Variants in PRDM16 observed in about 807,000 individuals in gnomAD.
PRDM16 encodes the protein PR/SET domain 16, also known as histone-lysine N-methyltransferase PRDM16.
Under a neutral mutation model 110.6 loss-of-function variants are expected in PRDM16, and 23 were observed. The observed-to-expected ratio is 0.21, with a 90% CI of 0.15 to 0.29. The LOEUF (loss-of-function observed/expected upper bound fraction) is 0.29, where lower values mean the gene tolerates loss of function less well. PRDM16 is among the 10% of genes least tolerant of loss of function. The pLI is 1.00. For missense variants in PRDM16, 1,615 were observed against 1,794.3 expected (o/e 0.90, Z 1.81); for synonymous variants, 799 against 781.8 (o/e 1.02, Z -0.37).
intron 1 of PRDM16, among the ~76,000 whole-genome samples, chr1:3,124,099 A>T (rs1643153621): frequency 6.6e-6 from 1 of 152,020 alleles, no homozygotes; most frequent in Non-Finnish European, 1.5e-5. Flanking sequence ...ACCCCCAAGA[A>T]CTGCTGGGAC....
chr1:3,392,931 TAC>T, intron 4 of PRDM16, among the ~76,000 whole-genome samples: 1 of 152,248 alleles, frequency 6.6e-6, no homozygotes, highest in East Asian at 1.9e-4. Context: ...TCATGCTAAA[TAC>T]AGTTTGAATT....
intron 2 of PRDM16, among the ~76,000 whole-genome samples, chr1:3,204,903 G>C (rs991848921): frequency 1.3e-5 from 2 of 152,218 alleles, no homozygotes; most frequent in Admixed American, 6.5e-5. Context: ...CGTTGGGGGG[G>C]GCCCTCGCCG....
chr1:3,418,348 G>A (rs1304945152), intron 11 of PRDM16, among the ~76,000 whole-genome samples: 1 of 152,286 alleles, frequency 6.6e-6, no homozygotes, highest in African/African-American at 2.4e-5. Flanking sequence ...GTGTCAGGAT[G>A]ACACCCTCCC....
At chr1:3,084,323 G>A (rs1294873675) in intron 1 of PRDM16, among the ~76,000 whole-genome samples, 3 of 152,134 alleles carry the variant, frequency 2.0e-5, no homozygotes, top group African/African-American at 7.2e-5. Context: ...CCTTTCAAAG[G>A]GACATTCGAT....
chr1:3,109,817 T>C (rs1165974660), intron 1 of PRDM16, among the ~76,000 whole-genome samples: 6 of 152,192 alleles, frequency 3.9e-5, no homozygotes, highest in African/African-American at 1.4e-4. Context: ...AATGGATGAG[T>C]GGCCGGTGTG....
intron 3 of PRDM16, among the ~76,000 whole-genome samples, chr1:3,319,211 A>G (rs949632033): frequency 6.6e-5 from 10 of 152,068 alleles, no homozygotes; most frequent in Admixed American, 3.3e-4. Flanking sequence ...CCCGGCAGGG[A>G]TGGGGAGCTA....
chr1:3,334,527 C>A (rs1428030755), intron 3 of PRDM16, among the ~76,000 whole-genome samples: 1 of 152,206 alleles, frequency 6.6e-6, no homozygotes, highest in East Asian at 1.9e-4. Context: ...GGCTGGCCGC[C>A]ATCAACTCCT....
chr1:3,419,110 C>T (rs948692930), intron 12 of PRDM16, among the ~76,000 whole-genome samples: 1 of 152,224 alleles, frequency 6.6e-6, no homozygotes, highest in Admixed American at 6.5e-5. Context: ...AGCTTCCCCA[C>T]ACCCAGCCCA....
intron 1 of PRDM16, among the ~76,000 whole-genome samples, chr1:3,173,104 C>T (rs35122869): frequency 0.052 from 7,882 of 152,268 alleles, 226 homozygotes; most frequent in Admixed American, 0.072. Context: ...CTGCTGCCGC[C>T]CAGATGCTGC....
intron 3 of PRDM16, among the ~76,000 whole-genome samples, chr1:3,322,212 T>A (rs1641774022): frequency 1.3e-5 from 2 of 151,188 alleles, no homozygotes; most frequent in African/African-American, 4.9e-5. Flanking sequence ...CACGTGTGTG[T>A]GTGAGCATGT....
rs1641708476 is a variant in PRDM16 at position 3,069,996 on chromosome 1, G to A, written c.37+700G>A. On this transcript the variant is annotated intron_variant, in intron 1 of 16. Coordinates refer to ENST00000270722, the MANE Select transcript of PRDM16 (RefSeq NM_022114.4). This position sits in a 1 kb window ranked among gnomAD's most constrained non-coding sequence, Gnocchi z 6.1. The stretch of plus-strand genomic sequence containing the variant: ...GGTCGTGAAGTTTATCCCCGGCTGT[G>A]CCCCGCGTGGTGGAGGGCGCTCCTC... Among the ~76,000 whole-genome samples the A allele has an allele frequency of 6.6e-6, 1 of 152,048 alleles. No homozygotes were observed. The highest frequency in any genetic ancestry group is 1.5e-5 in the Non-Finnish European group (1 of 68,002).
At chr1:3,094,375 A>T (rs1438801140) in intron 1 of PRDM16, among the ~76,000 whole-genome samples, 7 of 152,148 alleles carry the variant, frequency 4.6e-5, no homozygotes, top group Non-Finnish European at 8.8e-5. Context: ...CAGCCACATC[A>T]CCCTGCAGAG....
At chr1:3,132,752 CTTA>C (rs932223111) in intron 1 of PRDM16, among the ~76,000 whole-genome samples, 2 of 152,164 alleles carry the variant, frequency 1.3e-5, no homozygotes, top group Non-Finnish European at 2.9e-5. Context: ...TAAAGTGACC[CTTA>C]TTTGGTTCAG....
chr1:3,212,586 G>A lies in PRDM16; in HGVS notation c.387+26112G>A, dbSNP rs371653221. On this transcript the variant is annotated intron_variant, in intron 2 of 16. Coordinates refer to ENST00000270722, the MANE Select transcript of PRDM16 (RefSeq NM_022114.4). ...CCAGAGTCTTTGAAGGTGGAATGGAGGCCCCCGCTCATCCTCCCGGCCCCC... is the reference window on the plus strand; with the variant it reads ...CCAGAGTCTTTGAAGGTGGAATGGAAGCCCCCGCTCATCCTCCCGGCCCCC... 1.0e-4 allele frequency among the ~76,000 whole-genome samples: 8 copies of A among 76,648 alleles called. No homozygotes were observed. The African/African-American group carries it at 1.2e-3, about 12-fold the overall frequency. The allele number at this position is 76,648 out of a possible 152,430, so 50.3% of individuals were successfully genotyped here.
At chr1:3,365,379 G>C (rs776470556) in intron 3 of PRDM16, among the ~76,000 whole-genome samples, 1 of 152,238 alleles carries the variant, frequency 6.6e-6, no homozygotes, top group Non-Finnish European at 1.5e-5. Context: ...GAAGAGGAAA[G>C]GCGCGTGTGG....
chr1:3,176,876 TCTTC>T (rs1199398360), intron 1 of PRDM16, among the ~76,000 whole-genome samples: 1 of 150,502 alleles, frequency 6.6e-6, no homozygotes, highest in East Asian at 2.0e-4. Context: ...ATCTATCCAT[TCTTC>T]CTTCCTTCCG....
intron 1 of PRDM16, among the ~76,000 whole-genome samples, chr1:3,181,731 GTCTT>G (rs1557510285): frequency 2.5e-5 from 2 of 79,324 alleles, no homozygotes; most frequent in East Asian, 3.0e-4. Flanking sequence ...CTTACACACG[GTCTT>G]ACACACGGAG....
Position 3,193,218 on chromosome 1 carries a change from G to A in PRDM16, c.387+6744G>A, listed in dbSNP as rs7542572. ...GGGAGAGTCACCAATGTTCCCTGACGCTGTGGAAGGATGCACTGCCTTCCT... is the reference window on the plus strand; with the variant it reads ...GGGAGAGTCACCAATGTTCCCTGACACTGTGGAAGGATGCACTGCCTTCCT... On this transcript the variant is annotated intron_variant, in intron 2 of 16. Transcript: ENST00000270722. Among the ~76,000 whole-genome samples the A allele has an allele frequency of 5.2e-3, 794 of 152,328 alleles. 12 individuals are homozygous for A. The highest frequency in any genetic ancestry group is 0.018 in the African/African-American group (750 of 41,586).
chr1:3,281,183 C>T (rs10492940), intron 3 of PRDM16, among the ~76,000 whole-genome samples: 1 of 152,204 alleles, frequency 6.6e-6, no homozygotes, highest in African/African-American at 2.4e-5. Context: ...CTCTTCAACT[C>T]GAAACGTTGC....
Sources: allele counts gnomAD v4.1 joint callset (sites outside exome capture counted in the v4.1 genomes callset), GRCh38; gene constraint gnomAD v4.1.1; non-coding constraint Gnocchi (gnomAD v3.1); transcripts MANE v1.5; gene names NCBI Gene and HGNC (gene_info 2026-07-23, HGNC 2026-07-21).